RFX7: variants seen among roughly 807,000 people sequenced by gnomAD.
RFX7 encodes DNA-binding protein RFX7.
Under a neutral mutation model 111.8 loss-of-function variants are expected in RFX7, and 26 were observed. The ratio of observed to expected loss-of-function variants is 0.23; its 90% CI spans 0.17 to 0.32. The LOEUF (loss-of-function observed/expected upper bound fraction) is 0.32. RFX7 is among the 10% of genes least tolerant of loss of function. RFX7 has a pLI of 1.00. For synonymous variants in RFX7, 624 were observed against 624.4 expected (o/e 1.00, Z 0.01); for missense variants, 1,573 against 1,772.9 (o/e 0.89, Z 2.02).
intron 2 of RFX7, among the ~76,000 whole-genome samples, chr15:56,242,131 T>G (rs2043698782): frequency 6.6e-6 from 1 of 152,218 alleles, no homozygotes; most frequent in Non-Finnish European, 1.5e-5. Context: ...TCATTTCCAT[T>G]TTCAAAATCA....
intron 2 of RFX7, among the ~76,000 whole-genome samples, chr15:56,181,386 T>C (rs1438576399): frequency 2.0e-5 from 3 of 152,224 alleles, no homozygotes; most frequent in Non-Finnish European, 4.4e-5. Context: ...GCTATAGCTC[T>C]CATCCTGCTT....
chr15:56,122,074 T>C (rs1489746197), intron 5 of RFX7, among the ~76,000 whole-genome samples: 1 of 152,194 alleles, frequency 6.6e-6, no homozygotes, highest in Admixed American at 6.5e-5. Flanking sequence ...TCTTGATGCT[T>C]GTGAATGCTC....
In RFX7 at chr15:56,095,151, A is replaced by G. The variant is rs766985625; in HGVS notation, c.2577T>C (p.Ser859=). Residue 859 remains serine (S), a synonymous_variant, in exon 10 of 10, where the codon TCT becomes TCC. Coordinates refer to ENST00000559447, the MANE Select transcript of RFX7 (RefSeq NM_022841.7). ...CAGAAGGCTCAAACTCCTTCAGTTC[A>G]GATTGCAGAGGTAACTGATCTGAAG... ...AHSSDQLPLQ[S]ELKEFEPSVS... The G allele has an allele frequency of 6.2e-7, 1 of 1,613,862 alleles. No homozygotes were observed. Among genetic ancestry groups the G allele is most frequent in the East Asian group, 2.2e-5 (1 of 44,898 alleles).
At chr15:56,103,297 A>C (rs527380145) in intron 6 of RFX7, among the ~76,000 whole-genome samples, 5 of 152,290 alleles carry the variant, frequency 3.3e-5, no homozygotes, top group Middle Eastern at 3.4e-3. Flanking sequence ...TCAGACCATT[A>C]ATAACACTTT....
In RFX7 at chr15:56,095,639, G is replaced by T. The variant is rs1243387940; in HGVS notation, c.2089C>A (p.Gln697Lys). 2 of 1,613,990 alleles carry T rather than the reference G, an allele frequency of 1.2e-6. No homozygotes were observed. Among genetic ancestry groups the T allele is most frequent in the Non-Finnish European group, 1.7e-6 (2 of 1,179,884 alleles). Residue 697 changes from glutamine (Q) to lysine (K), a missense_variant, in exon 10 of 10, where the codon CAA becomes AAA. Gln to Lys is a moderately conservative substitution (Grantham distance 53). Around this residue, in one of 7 missense-constraint regions of RFX7, gnomAD observed 625 missense variants for 632.2 expected, o/e 0.99. Transcript: ENST00000559447. ...GTTTTCCCTGAATGTGGAACCTTTT[G>T]GTCCTTCTTAACACTGCCTTGTTTC... ...GQKQGSVKKD[Q>K]KVPHSGKTEG...
chr15:56,106,195 T>G (rs1447947359), intron 5 of RFX7, among the ~76,000 whole-genome samples: 2 of 152,336 alleles, frequency 1.3e-5, no homozygotes, highest in Middle Eastern at 6.8e-3. Flanking sequence ...AATGCCAAAT[T>G]TGTTTTTCAA....
At chr15:56,138,289 C>G (rs1409502389) in intron 5 of RFX7, among the ~76,000 whole-genome samples, 1 of 147,856 alleles carries the variant, frequency 6.8e-6, no homozygotes, top group Non-Finnish European at 1.5e-5. Context: ...CTTTATGAAT[C>G]TGGGTGCTCT....
At chr15:56,121,027 C>G (rs1160240367) in intron 5 of RFX7, among the ~76,000 whole-genome samples, 1 of 152,172 alleles carries the variant, frequency 6.6e-6, no homozygotes, top group Non-Finnish European at 1.5e-5. Context: ...TTACACACCA[C>G]AATTACAGTG....
At position 56,185,160 on chromosome 15, in the gene RFX7, G is replaced by A. The variant is rs556686321; in HGVS notation, c.162-5857C>T. Among the ~76,000 whole-genome samples the A allele has an allele frequency of 3.2e-4, 48 of 152,104 alleles. No homozygotes were observed. In the South Asian group the frequency reaches 8.5e-3, roughly 27 times the overall value. ...AACTGGAACCTACAAATTTTGCTAC[G>A]TAGTATTTTGTTATTTACTTTTAAA... is the stretch of plus-strand genomic sequence containing the variant. On this transcript the variant is annotated intron_variant, in intron 2 of 9. Transcript: ENST00000559447.
At chr15:56,100,788 T>C (rs938342564) in intron 8 of RFX7, among the ~76,000 whole-genome samples, 4 of 152,286 alleles carry the variant, frequency 2.6e-5, no homozygotes, top group Admixed American at 6.5e-5. Context: ...ATTCCCAAAA[T>C]TGTCGATTCC....
intron 3 of RFX7, among the ~76,000 whole-genome samples, chr15:56,168,484 T>A (rs1238971508): frequency 6.6e-6 from 1 of 152,152 alleles, no homozygotes; most frequent in Non-Finnish European, 1.5e-5. Flanking sequence ...GAAAACAAAT[T>A]AAGCTGGCGA....
At chr15:56,140,172 T>C (rs112925976) in intron 5 of RFX7, among the ~76,000 whole-genome samples, 3 of 152,200 alleles carry the variant, frequency 2.0e-5, no homozygotes, top group African/African-American at 7.2e-5. Flanking sequence ...CTGCTTTGTT[T>C]ACCTAATCAA....
chr15:56,109,732 G>C (rs1167724421), intron 5 of RFX7, among the ~76,000 whole-genome samples: 2 of 151,490 alleles, frequency 1.3e-5, no homozygotes, highest in African/African-American at 4.9e-5. Context: ...TCTCTGCCCG[G>C]CCGCCCCGTC....
chr15:56,189,862 A>G (rs1400442480), intron 2 of RFX7: 1 of 152,244 alleles, frequency 6.6e-6, no homozygotes, highest in Non-Finnish European at 1.5e-5. Context: ...CAGGAATCAA[A>G]CTAGATGTCC....
intron 5 of RFX7, among the ~76,000 whole-genome samples, chr15:56,141,887 A>G (rs756185264): frequency 1.3e-5 from 2 of 151,790 alleles, no homozygotes; most frequent in Non-Finnish European, 2.9e-5. Context: ...ATCATTTCAG[A>G]TATTTTTATC....
At chr15:56,143,304 T>TAC (rs1399417713) in intron 4 of RFX7, among the ~76,000 whole-genome samples, 4 of 151,612 alleles carry the variant, frequency 2.6e-5, no homozygotes, top group Non-Finnish European at 5.9e-5. Flanking sequence ...TATATATATA[T>TAC]ACACACATAT....
At chr15:56,236,836 A>T (rs969973082) in intron 2 of RFX7, among the ~76,000 whole-genome samples, 1 of 152,230 alleles carries the variant, frequency 6.6e-6, no homozygotes, top group Non-Finnish European at 1.5e-5. Flanking sequence ...ACCAGCAGTT[A>T]GTAAACTCCC....
intron 2 of RFX7, among the ~76,000 whole-genome samples, chr15:56,226,019 G>C (rs1279978946): frequency 6.6e-6 from 1 of 151,810 alleles, no homozygotes; most frequent in Admixed American, 6.6e-5. Context: ...ACGGGAAAAG[G>C]GTAAGAACAA....
chr15:56,207,903 T>C (rs986745245), intron 2 of RFX7, among the ~76,000 whole-genome samples: 1 of 152,158 alleles, frequency 6.6e-6, no homozygotes, highest in South Asian at 2.1e-4. Flanking sequence ...CAGAGAATTG[T>C]AGCTTGCTGG....
Sources: gnomAD v4.1 joint callset for allele counts (sites outside exome capture counted in the v4.1 genomes callset) on GRCh38, gnomAD v4.1.1 for gene constraint, gnomAD v4.1.1 regional missense constraint, MANE v1.5 for transcripts, NCBI Gene and HGNC (gene_info 2026-07-23, HGNC 2026-07-21) for gene names.